Variants in SPOCK1 observed in about 807,000 individuals in gnomAD.
SPOCK1 encodes the protein testican-1.
In SPOCK1, 23 loss-of-function variants were observed where a neutral mutation model predicts 55.3. The ratio of observed to expected loss-of-function variants is 0.42; its 90% confidence interval spans 0.30 to 0.59. SPOCK1 has a LOEUF of 0.59. Among genes scored for constraint, SPOCK1 ranks in the 20% least tolerant of loss-of-function variants. The pLI, the probability that SPOCK1 is intolerant of heterozygous loss-of-function variation, is 0.22. For missense variants in SPOCK1, 499 were observed against 552.5 expected (o/e 0.90, Z 0.97); for synonymous variants, 226 against 221.0 (o/e 1.02, Z -0.20).
intron 2 of SPOCK1, among the ~76,000 whole-genome samples, chr5:137,426,905 C>T (rs1313113299): frequency 6.6e-6 from 1 of 152,182 alleles, no homozygotes; most frequent in Non-Finnish European, 1.5e-5. Context: ...GTATGTGGCA[C>T]AGAGTGAGTG....
intron 2 of SPOCK1, among the ~76,000 whole-genome samples, chr5:137,346,606 C>T (rs376345634): frequency 2.0e-5 from 3 of 152,260 alleles, no homozygotes; most frequent in South Asian, 2.1e-4. Context: ...AACTGTAAAG[C>T]GCCATATAAA....
chr5:137,128,882 C>T (rs1753824822), intron 4 of SPOCK1, among the ~76,000 whole-genome samples: 1 of 152,192 alleles, frequency 6.6e-6, no homozygotes, highest in Admixed American at 6.5e-5. Context: ...TTAGATTATA[C>T]ACATTCACAT....
chr5:137,391,895 T>G (rs537823671), intron 2 of SPOCK1, among the ~76,000 whole-genome samples: 7 of 152,222 alleles, frequency 4.6e-5, no homozygotes, highest in Admixed American at 2.0e-4. Flanking sequence ...GAGTGCAGGC[T>G]CTAAATCTGA....
intron 2 of SPOCK1, among the ~76,000 whole-genome samples, chr5:137,300,017 G>C (rs1385765398): frequency 1.3e-5 from 2 of 151,876 alleles, no homozygotes; most frequent in African/African-American, 2.4e-5. Context: ...TCTTTCTCTG[G>C]GATTCCTATT....
chr5:137,095,303 G>T (rs536809556), intron 5 of SPOCK1, among the ~76,000 whole-genome samples: 5 of 152,222 alleles, frequency 3.3e-5, no homozygotes, highest in African/African-American at 1.2e-4. Context: ...GGTACCAACA[G>T]ACTTGTTTAA....
intron 3 of SPOCK1, among the ~76,000 whole-genome samples, chr5:137,149,081 T>G (rs532523355): frequency 5.9e-5 from 9 of 152,240 alleles, no homozygotes; most frequent in Non-Finnish European, 1.2e-4. Context: ...AATACAAAAG[T>G]GCGAGCTGCT....
chr5:137,353,582 T>A (rs1222308357), intron 2 of SPOCK1, among the ~76,000 whole-genome samples: 1 of 152,192 alleles, frequency 6.6e-6, no homozygotes, highest in East Asian at 1.9e-4. Context: ...GACCTCCCCA[T>A]CAGTTAAAGT....
intron 4 of SPOCK1, among the ~76,000 whole-genome samples, chr5:137,116,239 T>C (rs956334057): frequency 3.3e-5 from 5 of 152,248 alleles, no homozygotes; most frequent in Non-Finnish European, 7.3e-5. Flanking sequence ...TGTTCAACTG[T>C]ATATTCTCCA....
At chr5:137,230,741 AT>A (rs1308148925) in intron 3 of SPOCK1, among the ~76,000 whole-genome samples, 3 of 152,030 alleles carry the variant, frequency 2.0e-5, no homozygotes, top group East Asian at 1.9e-4. Flanking sequence ...TTTTTATTGA[AT>A]TTTTTTGTTG....
intron 3 of SPOCK1, among the ~76,000 whole-genome samples, chr5:137,161,421 T>C (rs897062675): frequency 6.6e-6 from 1 of 152,018 alleles, no homozygotes; most frequent in Non-Finnish European, 1.5e-5. Context: ...AAACTCTCTC[T>C]CCAGGTAAGG....
intron 3 of SPOCK1, among the ~76,000 whole-genome samples, chr5:137,200,940 C>T (rs1007103735): frequency 1.3e-5 from 2 of 152,224 alleles, no homozygotes; most frequent in Admixed American, 6.5e-5. Context: ...GGGCCAGTGA[C>T]ACTGTGAATA....
chr5:137,066,833 A>C (rs1368946729), intron 6 of SPOCK1, among the ~76,000 whole-genome samples: 1 of 152,142 alleles, frequency 6.6e-6, no homozygotes, highest in Non-Finnish European at 1.5e-5. Flanking sequence ...TCACATTTAG[A>C]TTTGAAATCT....
At chr5:137,283,511 C>T (rs111860052) in intron 2 of SPOCK1, among the ~76,000 whole-genome samples, 1,883 of 152,154 alleles carry the variant, frequency 0.012, 40 homozygotes, top group African/African-American at 0.043. Flanking sequence ...GCCAGGAGTT[C>T]GAGACCAGCC....
intron 3 of SPOCK1, among the ~76,000 whole-genome samples, chr5:137,204,834 A>T (rs1755491850): frequency 6.6e-6 from 1 of 151,734 alleles, no homozygotes; most frequent in Non-Finnish European, 1.5e-5. Context: ...TTTTCCCCTC[A>T]CTGTATATAC....
Position 137,356,838 on chromosome 5 carries a change from TAGAG to T in SPOCK1, c.187-89787_187-89784del, listed in dbSNP as rs1177060339. 6.4e-3 allele frequency among the ~76,000 whole-genome samples: 35 copies of T among 5,448 alleles called. 1 individual carries two copies. The highest frequency in any genetic ancestry group is 0.012 in the East Asian group (2 of 172). The allele number at this position is 5,448 out of a possible 152,430, so 3.6% of individuals were successfully genotyped here. On this transcript the variant is annotated intron_variant, in intron 2 of 10. Coordinates refer to ENST00000394945, the MANE Select transcript of SPOCK1 (RefSeq NM_004598.4). ...ATATATATATATATATATATATATA[TAGAG>T]AGAGAGAGAGAGAGAGAGAGAGAGA...
At position 137,427,907 on chromosome 5, in the gene SPOCK1, TA is replaced by T. The variant is rs75837887; in HGVS notation, c.186+70465del. The stretch of plus-strand genomic sequence containing the variant: ...CTGGGTGACAGAGCAAGACTCCGTC[TA>T]AAAAAAAAAAAAAAAAAAAGGCAGA... On this transcript the variant is annotated intron_variant, in intron 2 of 10. Transcript: ENST00000394945. Among the ~76,000 whole-genome samples the T allele has an allele frequency of 2.1e-3, 217 of 104,178 alleles. 1 individual carries two copies. Among genetic ancestry groups the T allele is most frequent in the Middle Eastern group, 5.0e-3 (1 of 200 alleles). 68.3% of individuals were successfully genotyped at this position (104,178 alleles called of 152,430 possible). A position where few individuals can be genotyped will look rare whatever the true frequency, so the allele number is the denominator to read the frequency against.
chr5:137,249,070 A>T (rs1295351704), intron 3 of SPOCK1, among the ~76,000 whole-genome samples: 2 of 152,248 alleles, frequency 1.3e-5, no homozygotes, highest in African/African-American at 4.8e-5. Flanking sequence ...CTCAGCAAAC[A>T]GAAAACAACA....
intron 6 of SPOCK1, among the ~76,000 whole-genome samples, chr5:136,997,991 C>A (rs1330500014): frequency 6.6e-6 from 1 of 152,030 alleles, no homozygotes; most frequent in African/African-American, 2.4e-5. Context: ...TTGTAAACTT[C>A]AATTTTTCCA....
Position 137,423,740 on chromosome 5 carries a change from C to T in SPOCK1, c.186+74633G>A, listed in dbSNP as rs779955423. Among the ~76,000 whole-genome samples the T allele has an allele frequency of 5.3e-5, 8 of 152,206 alleles. No individual in the cohort carries two copies. In the East Asian group the frequency reaches 9.6e-4, roughly 18 times the overall value. On this transcript the variant is annotated intron_variant, in intron 2 of 10. Coordinates refer to ENST00000394945, the MANE Select transcript of SPOCK1 (RefSeq NM_004598.4). ...GACTCCTTGTACTTCCCGGGTAAGG[C>T]GATGCCTCGCCCTGCTTCAGCTCAT...
Sources: gnomAD v4.1 joint callset for allele counts (sites outside exome capture counted in the v4.1 genomes callset) on GRCh38, gnomAD v4.1.1 for gene constraint, MANE v1.5 for transcripts, NCBI Gene and HGNC (gene_info 2026-07-23, HGNC 2026-07-21) for gene names.